Variants in ACTN2 observed in about 807,000 individuals in gnomAD.
ACTN2 encodes actinin alpha 2.
Under a neutral mutation model 113.8 loss-of-function variants are expected in ACTN2, and 39 were observed. The observed-to-expected ratio is 0.34, with a 90% CI of 0.27 to 0.45. The LOEUF (loss-of-function observed/expected upper bound fraction) is 0.45, where lower values mean the gene tolerates loss of function less well. Among genes scored for constraint, ACTN2 ranks in the 20% least tolerant of loss-of-function variants. ACTN2 has a pLI of 1.00. For missense variants in ACTN2, 992 were observed against 1,177.9 expected (o/e 0.84, Z 2.31); for synonymous variants, 429 against 444.1 (o/e 0.97, Z 0.43).
chr1:236,737,190 A>T lies in ACTN2; in HGVS notation c.852A>T (p.Glu284Asp), dbSNP rs758712415. The change falls in exon 9 of 21, where the codon GAA becomes GAT. Residue 284 changes from glutamate (E) to aspartate (D), a missense_variant. This residue lies in a region of ACTN2 where 736 missense variants were observed against 815.4 expected (regional missense o/e 0.90). Transcript: ENST00000366578. ...ATCAAGAGAATGAGAGGCTGATGGA[A>T]GAATATGAGAGGCTAGCGAGTGAGG... ...AVNQENERLM[E>D]EYERLASELL... The T allele has an allele frequency of 6.2e-7, 1 of 1,600,608 alleles. No individual in the cohort carries two copies.
At chr1:236,734,643 C>T in intron 7 of ACTN2, 1 of 664,840 alleles carries the variant, frequency 1.5e-6, no homozygotes, top group Non-Finnish European at 2.5e-6. Flanking sequence ...TCCCAGGAGG[C>T]AGTTGTTTGT....
intron 1 of ACTN2, among the ~76,000 whole-genome samples, chr1:236,716,684 A>G (rs1055687689): frequency 3.9e-5 from 6 of 152,030 alleles, no homozygotes; most frequent in African/African-American, 1.2e-4. Flanking sequence ...ACTATACTGC[A>G]AATTTGTTTA....
intron 1 of ACTN2, among the ~76,000 whole-genome samples, chr1:236,692,327 G>A (rs945273083): frequency 6.6e-6 from 1 of 152,234 alleles, no homozygotes; most frequent in African/African-American, 2.4e-5. Context: ...CAAGACAGTG[G>A]TATTGACAAG....
rs529208038 is a variant in ACTN2 at position 236,692,733 on chromosome 1, G to C, written c.126+5934G>C. Among the ~76,000 whole-genome samples the C allele has an allele frequency of 4.6e-5, 7 of 152,282 alleles. No individual in the cohort carries two copies. In the South Asian group the frequency reaches 1.0e-3, roughly 23 times the overall value. ...TTTGGGACACCGTGATGTGTCCCGGGGTTGCCCTAGGCCTTCAGCCACATT... is the reference window on the plus strand; with the variant it reads ...TTTGGGACACCGTGATGTGTCCCGGCGTTGCCCTAGGCCTTCAGCCACATT... On this transcript the variant is annotated intron_variant, in intron 1 of 20. Coordinates refer to ENST00000366578, the MANE Select transcript of ACTN2 (RefSeq NM_001103.4).
chr1:236,758,479 C>A (rs1394733192), intron 18 of ACTN2, among the ~76,000 whole-genome samples: 1 of 127,650 alleles, frequency 7.8e-6, no homozygotes, highest in Non-Finnish European at 1.6e-5. Flanking sequence ...TCAGTAGAGA[C>A]GGGGTTTCGC....
intron 4 of ACTN2, among the ~76,000 whole-genome samples, chr1:236,722,634 C>CAAAAA (rs35608028): frequency 6.2e-5 from 7 of 112,062 alleles, no homozygotes; most frequent in South Asian, 3.2e-4. Flanking sequence ...GACTCCGTCT[C>CAAAAA]AAAAAAAAAA....
rs1313473919 is a variant in ACTN2 at position 236,686,643 on chromosome 1, G to T, written c.-31G>T. 1 of 1,533,920 alleles carries T rather than the reference G, an allele frequency of 6.5e-7. No homozygotes were observed. The highest frequency in any genetic ancestry group is 8.8e-7 in the Non-Finnish European group (1 of 1,140,330). On this transcript the variant is annotated 5_prime_UTR_variant, in exon 1 of 21. Coordinates refer to ENST00000366578, the MANE Select transcript of ACTN2 (RefSeq NM_001103.4). ...CAGCCCGTGCGTCCGAGCCCCTCGC[G>T]CCCCGCCGCAGCCCCGGCCAACCGA...
Position 236,762,538 on chromosome 1 carries a change from C to G in ACTN2, c.2604C>G (p.Ala868=). The G allele has an allele frequency of 6.2e-7, 1 of 1,614,184 alleles. No homozygotes were observed. The highest frequency in any genetic ancestry group is 8.5e-7 in the Non-Finnish European group (1 of 1,180,018). ...QAQYCIKRMP[A]YSGPGSVPGA... is the part of the protein sequence containing the mutation. ...AGTACTGCATCAAGAGGATGCCCGC[C>G]TACTCGGGCCCAGGCAGTGTGCCTG... Residue 868 remains alanine (A), a synonymous_variant, in exon 21 of 21, where the codon GCC becomes GCG. Transcript: ENST00000366578.
At chr1:236,741,675 G>A (rs747070016) in intron 10 of ACTN2, among the ~76,000 whole-genome samples, 3 of 152,048 alleles carry the variant, frequency 2.0e-5, no homozygotes, top group Non-Finnish European at 4.4e-5. Context: ...TACCTCCACG[G>A]CCACTGGCCT....
At position 236,686,776 on chromosome 1, in the gene ACTN2, G is replaced by A; in HGVS notation, c.103G>A (p.Ala35Thr). ...EWDRDLLLDP[A>T]WEKQQRKTFT... is the part of the protein sequence containing the mutation. The stretch of plus-strand genomic sequence containing the variant: ...GGACCGCGACCTGCTCCTGGACCCA[G>A]CCTGGGAGAAGCAGCAGAGGAAGGT... Residue 35 changes from alanine (A) to threonine (T), a missense_variant, in exon 1 of 21, where the codon GCC becomes ACC. Around this residue, in one of 3 missense-constraint regions of ACTN2, gnomAD observed 220 missense variants for 337.5 expected, o/e 0.65. Transcript: ENST00000366578. 6.5e-7 allele frequency: 1 copy of A among 1,529,986 alleles called. No individual in the cohort carries two copies. The allele number at this position is 1,529,986 out of a possible 1,614,324, so 94.8% of individuals were successfully genotyped here.
intron 1 of ACTN2, 82 bp downstream of exon 1, chr1:236,686,881 G>A: frequency 7.8e-7 from 1 of 1,288,238 alleles, no homozygotes; most frequent in Non-Finnish European, 9.9e-7. Flanking sequence ...CGCGTGGCCT[G>A]GCGACTGGCG....
chr1:236,734,666 A>C (rs1442050093), intron 7 of ACTN2: 1 of 613,030 alleles, frequency 1.6e-6, no homozygotes, highest in East Asian at 2.8e-5. Flanking sequence ...TTTTTAGTCT[A>C]GCTTTCTTTG....
Position 236,762,601 on chromosome 1 carries a change from CG to C in ACTN2, c.2671del (p.Glu891ArgfsTer10). Reference sequence around the variant, plus strand: ...ACGCTGCGTTCTCTTCCGCACTCTACGGGGAGAGCGATCTGTGATGCTGAGC... The same window carrying C: ...ACGCTGCGTTCTCTTCCGCACTCTACGGGAGAGCGATCTGTGATGCTGAGC... The part of the protein sequence containing the change: ...DYAAFSSALY[G>X]ESDL On this transcript the variant is annotated frameshift_variant, in exon 21 of 21. Coordinates refer to ENST00000366578, the MANE Select transcript of ACTN2 (RefSeq NM_001103.4). LOFTEE classifies it high-confidence loss of function. 1 of 1,614,046 alleles carries C rather than the reference CG, an allele frequency of 6.2e-7. No individual in the cohort carries two copies. The highest frequency in any genetic ancestry group is 8.5e-7 in the Non-Finnish European group (1 of 1,179,994).
At position 236,757,524 on chromosome 1, in the gene ACTN2, C is replaced by T. The variant is rs756083632; in HGVS notation, c.2193C>T (p.Ile731=). ...RVGWELLLTT[I]ARTINEVETQ... ...GATGGGAGCTGCTGCTGACAACCAT[C>T]GCCAGAACCATCAATGAGGTGGAGA... Residue 731 remains isoleucine, a synonymous_variant, in exon 18 of 21, where the codon ATC becomes ATT. Coordinates refer to ENST00000366578, the MANE Select transcript of ACTN2 (RefSeq NM_001103.4). 3.1e-6 allele frequency: 5 copies of T among 1,614,102 alleles called. No homozygotes were observed. The Admixed American group carries it at 8.3e-5, about 27-fold the overall frequency.
At chr1:236,735,781 G>A in intron 8 of ACTN2, 61 bp downstream of exon 8, 1 of 1,391,066 alleles carries the variant, frequency 7.2e-7, no homozygotes. Flanking sequence ...AGTTGTGTGT[G>A]CATACTTGAG....
chr1:236,707,527 C>T (rs1446656317), intron 1 of ACTN2, among the ~76,000 whole-genome samples: 1 of 152,126 alleles, frequency 6.6e-6, no homozygotes, highest in Non-Finnish European at 1.5e-5. Flanking sequence ...AACCCCACGG[C>T]ACCACTCAAG....
At chr1:236,745,902 G>GC (rs1659218859) in intron 12 of ACTN2, among the ~76,000 whole-genome samples, 1 of 152,012 alleles carries the variant, frequency 6.6e-6, no homozygotes, top group Admixed American at 6.6e-5. Context: ...AGTGGCTCAC[G>GC]CCTGTAACCC....
Position 236,737,084 on chromosome 1 carries a change from T to C in ACTN2, c.784-38T>C, listed in dbSNP as rs1460316392. 5 of 1,558,066 alleles carry C rather than the reference T, an allele frequency of 3.2e-6. No individual in the cohort carries two copies. In the African/African-American group the frequency reaches 6.8e-5, roughly 21 times the overall value. ...TCCATGCTGTGTGTGCGCATTCCCG[T>C]CGACAGAGCCGTCCTGTTTACCTAT... On this transcript the variant is annotated intron_variant, in intron 8 of 20. Transcript: ENST00000366578.
chr1:236,715,997 G>A (rs1658194963), intron 1 of ACTN2, among the ~76,000 whole-genome samples: 1 of 151,574 alleles, frequency 6.6e-6, no homozygotes, highest in Admixed American at 6.6e-5. Context: ...ATGGCTTAGA[G>A]TATCTTTTCT....
Sources: gnomAD v4.1 joint callset for allele counts (sites outside exome capture counted in the v4.1 genomes callset) on GRCh38, gnomAD v4.1.1 for gene constraint, gnomAD v4.1.1 regional missense constraint, MANE v1.5 for transcripts, NCBI Gene and HGNC (gene_info 2026-07-23, HGNC 2026-07-21) for gene names.